The following RPA3 variants were observed in gnomAD, a reference collection of about 807,000 sequenced individuals.
The protein encoded by RPA3 is replication protein A 14 kDa subunit.
In RPA3, 24 loss-of-function variants were observed where a neutral mutation model predicts 13.7. The ratio of observed to expected loss-of-function variants is 1.75; its 90% CI spans 1.27 to 2.46. The LOEUF (loss-of-function observed/expected upper bound fraction) is 2.46. Ranked by LOEUF, RPA3 falls within the 30% of genes most tolerant of loss-of-function variation. The pLI is 0.00. For synonymous variants in RPA3, 59 were observed against 51.2 expected (o/e 1.15, Z -0.65); for missense variants, 183 against 151.0 (o/e 1.21, Z -1.11).
intron 4 of RPA3, among the ~76,000 whole-genome samples, chr7:7,677,686 T>G (rs1779780794): frequency 7.0e-6 from 1 of 142,726 alleles, no homozygotes; most frequent in Non-Finnish European, 1.5e-5. Context: ...TTTTTTTTTT[T>G]TTTTTGAGAC....
rs1307260631 is a variant in RPA3, at chr7:7,678,415, AAT to A, written c.-758+7413_-758+7414del. ...AAATAGCTATTCAGATATATAAAAA[AAT>A]ATATTTATATATTATTTAATATATA... is the stretch of plus-strand genomic sequence containing the variant. On this transcript the variant is annotated intron_variant, in intron 4 of 7. Coordinates refer to ENST00000223129, the MANE Select transcript of RPA3 (RefSeq NM_002947.5). Among the ~76,000 whole-genome samples the A allele has an allele frequency of 2.1e-5, 3 of 144,796 alleles. No individual in the cohort carries two copies. In the East Asian group the frequency reaches 5.9e-4, roughly 28 times the overall value. The allele number at this position is 144,796 out of a possible 152,430, so 95.0% of individuals were successfully genotyped here. A position where few individuals can be genotyped will look rare whatever the true frequency, so the allele number is the denominator to read the frequency against.
At chr7:7,649,158 C>CAAAAAAAAAAAA (rs34943326) in intron 4 of RPA3, among the ~76,000 whole-genome samples, 19 of 128,862 alleles carry the variant, frequency 1.5e-4, no homozygotes, top group East Asian at 4.6e-4. Flanking sequence ...GACTCCATCT[C>CAAAAAAAAAAAA]AAAAAAAAAA....
At chr7:7,648,089 T>G (rs889325123) in intron 4 of RPA3, among the ~76,000 whole-genome samples, 8 of 152,118 alleles carry the variant, frequency 5.3e-5, no homozygotes, top group African/African-American at 1.9e-4. Context: ...GCCTGGGAGG[T>G]CTCAGCTGAA....
intron 2 of RPA3, chr7:7,689,204 T>C (rs534052293): frequency 6.6e-6 from 1 of 152,278 alleles, no homozygotes; most frequent in South Asian, 2.1e-4. Context: ...GACTGCGACA[T>C]GAAGGAAGAT....
intron 4 of RPA3, among the ~76,000 whole-genome samples, chr7:7,648,806 T>C (rs1260012128): frequency 6.6e-6 from 1 of 151,378 alleles, no homozygotes; most frequent in East Asian, 1.9e-4. Context: ...TGAGCTAAGA[T>C]CGTGTCACTG....
intron 2 of RPA3, among the ~76,000 whole-genome samples, chr7:7,699,374 A>G (rs1338313842): frequency 1.3e-5 from 2 of 152,178 alleles, no homozygotes; most frequent in Non-Finnish European, 2.9e-5. Context: ...TTAAAAATTT[A>G]ATATCCTTAG....
intron 4 of RPA3, among the ~76,000 whole-genome samples, chr7:7,660,429 G>A (rs909664133): frequency 6.6e-6 from 1 of 152,208 alleles, no homozygotes; most frequent in African/African-American, 2.4e-5. Context: ...TGTTTTTGCA[G>A]TGGCTGGTAC....
intron 4 of RPA3, among the ~76,000 whole-genome samples, chr7:7,680,729 A>G (rs2115120890): frequency 6.6e-6 from 1 of 151,842 alleles, no homozygotes; most frequent in South Asian, 2.1e-4. Context: ...TTTCATCAGT[A>G]TTTTATAATT....
chr7:7,642,411 T>G (rs1784995224), intron 4 of RPA3, among the ~76,000 whole-genome samples: 1 of 151,450 alleles, frequency 6.6e-6, no homozygotes, highest in Admixed American at 6.6e-5. Context: ...CTCCCCCGTC[T>G]CCCTCCCAAA....
chr7:7,665,394 A>C (rs1052755512), intron 4 of RPA3, among the ~76,000 whole-genome samples: 7 of 152,206 alleles, frequency 4.6e-5, no homozygotes, highest in South Asian at 2.1e-4. Context: ...GCAGAAAAGA[A>C]ACATTTTGCT....
rs547779422 is a variant in RPA3 at position 7,718,011 on chromosome 7, G to A, written c.-1080+504C>T. 2.0e-5 allele frequency among the ~76,000 whole-genome samples: 3 copies of A among 152,294 alleles called. No individual in the cohort carries two copies. The South Asian group carries it at 6.2e-4, about 32-fold the overall frequency. ...AGCTTTTAGAGTTTAGGGAAATCTA[G>A]TTTTTAGAATTGACACAATGATTTT... On this transcript the variant is annotated intron_variant, in intron 1 of 7. Coordinates refer to ENST00000223129, the MANE Select transcript of RPA3 (RefSeq NM_002947.5).
chr7:7,649,158 C>CAAAAAAAAAAAAAAAAAAAAAAAAAAAA (rs34943326), intron 4 of RPA3, among the ~76,000 whole-genome samples: 1 of 128,874 alleles, frequency 7.8e-6, no homozygotes, highest in Non-Finnish European at 1.6e-5. Context: ...GACTCCATCT[C>CAAAAAAAAAAAAAAAAAAAAAAAAAAAA]AAAAAAAAAA....
At chr7:7,652,959 GAAT>G (rs1052419139) in intron 4 of RPA3, among the ~76,000 whole-genome samples, 1 of 152,342 alleles carries the variant, frequency 6.6e-6, no homozygotes. Flanking sequence ...GACCCATACT[GAAT>G]AATGTTTTAT....
chr7:7,644,218 ATTTATG>A (rs2115543777), intron 4 of RPA3, among the ~76,000 whole-genome samples: 1 of 151,930 alleles, frequency 6.6e-6, no homozygotes, highest in African/African-American at 2.4e-5. Flanking sequence ...TTTATTGGTT[ATTTATG>A]TTTATCTTTT....
At chr7:7,699,574 A>C (rs1303246405) in intron 2 of RPA3, among the ~76,000 whole-genome samples, 1 of 152,182 alleles carries the variant, frequency 6.6e-6, no homozygotes, top group South Asian at 2.1e-4. Context: ...CCTGGATGTG[A>C]TGGTCCAATC....
chr7:7,697,111 T>C (rs1016312450), intron 2 of RPA3, among the ~76,000 whole-genome samples: 1 of 152,194 alleles, frequency 6.6e-6, no homozygotes, highest in African/African-American at 2.4e-5. Context: ...CAGATTGTTT[T>C]GCTTTTCTTT....
intron 4 of RPA3, among the ~76,000 whole-genome samples, chr7:7,651,500 T>TGCGTCCTGTCCATATTATTTTCCC (rs1214727967): frequency 2.6e-5 from 4 of 152,258 alleles, no homozygotes; most frequent in African/African-American, 9.6e-5. Context: ...CGTATTTTCC[T>TGCGTCCTGTCCATATTATTTTCCC]GCCTCCTGTC....
At chr7:7,657,066 G>T (rs995888302) in intron 4 of RPA3, among the ~76,000 whole-genome samples, 3 of 152,196 alleles carry the variant, frequency 2.0e-5, no homozygotes, top group Admixed American at 2.0e-4. Flanking sequence ...CTAATGACCA[G>T]TGATGATGAG....
At chr7:7,693,295 T>TTATCTATC (rs1250261083) in intron 2 of RPA3, among the ~76,000 whole-genome samples, 56,801 of 148,730 alleles carry the variant, frequency 0.38, 11,167 homozygotes, top group Non-Finnish European at 0.43. Context: ...TAAAATATCT[T>TTATCTATC]TATCTATCTA....
Sources: allele counts gnomAD v4.1 joint callset (sites outside exome capture counted in the v4.1 genomes callset), GRCh38; gene constraint gnomAD v4.1.1; transcripts MANE v1.5; gene names NCBI Gene and HGNC (gene_info 2026-07-23, HGNC 2026-07-21).